Variants in NRXN3 observed in about 807,000 individuals in gnomAD.
The protein encoded by NRXN3 is neurexin 3.
In NRXN3, 32 loss-of-function variants were observed where a neutral mutation model predicts 137.6. That is an observed-to-expected ratio of 0.23 (90% CI 0.18 to 0.31). The LOEUF (loss-of-function observed/expected upper bound fraction) is 0.31, where lower values mean the gene tolerates loss of function less well. Ranked by LOEUF, NRXN3 falls within the 10% of genes least tolerant of loss-of-function variation. NRXN3 has a pLI of 1.00. For missense variants in NRXN3, 1,574 were observed against 2,062.5 expected (o/e 0.76, Z 4.59); for synonymous variants, 798 against 784.5 (o/e 1.02, Z -0.29).
chr14:79,126,099 T>C (rs1284676653), intron 15 of NRXN3, among the ~76,000 whole-genome samples: 1 of 152,260 alleles, frequency 6.6e-6, no homozygotes, highest in Admixed American at 6.5e-5. Flanking sequence ...AAAACTTAAC[T>C]GGATTTTTAA....
chr14:79,812,338 A>G (rs2099237077), intron 20 of NRXN3, among the ~76,000 whole-genome samples: 1 of 152,202 alleles, frequency 6.6e-6, no homozygotes, highest in Non-Finnish European at 1.5e-5. Flanking sequence ...TTTGCTTCAG[A>G]AATATCGCTT....
At chr14:78,319,551 A>T (rs961528487) in intron 4 of NRXN3, among the ~76,000 whole-genome samples, 7 of 152,032 alleles carry the variant, frequency 4.6e-5, no homozygotes, top group Non-Finnish European at 8.8e-5. Context: ...AACTCATGTG[A>T]CCCGTGAGCC....
At chr14:79,530,716 G>A (rs1198796062) in intron 16 of NRXN3, among the ~76,000 whole-genome samples, 1 of 151,974 alleles carries the variant, frequency 6.6e-6, no homozygotes, top group African/African-American at 2.4e-5. Flanking sequence ...ACCAAGGAGG[G>A]GGAAATGGGA....
Position 79,181,696 on chromosome 14 carries a change from A to G in NRXN3, c.3262+193555A>G, listed in dbSNP as rs572819225. Among the ~76,000 whole-genome samples the G allele has an allele frequency of 2.4e-3, 363 of 151,944 alleles. 2 individuals are homozygous for G. The highest frequency in any genetic ancestry group is 2.7e-3 in the Non-Finnish European group (184 of 67,964). On this transcript the variant is annotated intron_variant, in intron 15 of 20. Transcript: ENST00000335750. ...GACCCTGTCTCAAAAAAAAAAAAAA[A>G]AAAAATCTTATGATAACATGAAAAC... is the stretch of plus-strand genomic sequence containing the variant.
intron 16 of NRXN3, among the ~76,000 whole-genome samples, chr14:79,608,358 G>A (rs2098050389): frequency 6.6e-6 from 1 of 152,280 alleles, no homozygotes; most frequent in Non-Finnish European, 1.5e-5. Flanking sequence ...TTGGATTGGG[G>A]ACAAATGAGG....
chr14:78,958,912 C>A (rs1273920584), intron 11 of NRXN3, among the ~76,000 whole-genome samples: 2 of 152,144 alleles, frequency 1.3e-5, no homozygotes, highest in African/African-American at 4.8e-5. Flanking sequence ...CAGTCAGTAG[C>A]CCTGGGGGTC....
At chr14:78,249,563 T>C (rs11159344) in intron 2 of NRXN3, among the ~76,000 whole-genome samples, 111,000 of 151,942 alleles carry the variant, frequency 0.73, 41,308 homozygotes, top group East Asian at 0.9. Flanking sequence ...ACTGGCTCCA[T>C]AGTATGGGTC....
At chr14:78,949,489 G>GT (rs1351391940) in intron 10 of NRXN3, among the ~76,000 whole-genome samples, 4 of 151,336 alleles carry the variant, frequency 2.6e-5, no homozygotes, top group Admixed American at 1.3e-4. Context: ...TTGCTCACTA[G>GT]TTTTTTTCCA....
chr14:78,983,824 T>C (rs1477827918), intron 14 of NRXN3, among the ~76,000 whole-genome samples: 1 of 134,716 alleles, frequency 7.4e-6, no homozygotes, highest in Non-Finnish European at 1.5e-5. Flanking sequence ...GCCACTGCAC[T>C]CCAGCCTGGT....
intron 4 of NRXN3, among the ~76,000 whole-genome samples, chr14:78,573,050 G>A (rs929492791): frequency 5.9e-5 from 9 of 152,170 alleles, no homozygotes; most frequent in African/African-American, 7.2e-5. Context: ...CACAAGATCC[G>A]ATGGTATAAG....
Position 79,507,787 on chromosome 14 carries a change from C to T in NRXN3, c.3444+40385C>T, listed in dbSNP as rs140211406. 6.2e-4 allele frequency among the ~76,000 whole-genome samples: 95 copies of T among 152,250 alleles called. 1 individual carries two copies. Among genetic ancestry groups the T allele is most frequent in the African/African-American group, 2.2e-3 (90 of 41,544 alleles). On this transcript the variant is annotated intron_variant, in intron 16 of 20. Transcript: ENST00000335750. ...GGATAAAGAGCTATTCTCAACTTGA[C>T]TATTATACCTTGGCCTTCATTCCCT...
chr14:79,332,090 G>T (rs1226846611), intron 15 of NRXN3, among the ~76,000 whole-genome samples: 1 of 152,152 alleles, frequency 6.6e-6, no homozygotes. Context: ...ACACCACATG[G>T]GTGGGCATGT....
intron 15 of NRXN3, among the ~76,000 whole-genome samples, chr14:78,993,231 T>C (rs1418137032): frequency 1.3e-5 from 2 of 152,090 alleles, no homozygotes; most frequent in Non-Finnish European, 2.9e-5. Flanking sequence ...TGTAGGTTGG[T>C]GTATTGATTA....
At chr14:79,840,019 C>T (rs1241547038) in intron 20 of NRXN3, among the ~76,000 whole-genome samples, 2 of 152,124 alleles carry the variant, frequency 1.3e-5, no homozygotes, top group East Asian at 3.9e-4. Flanking sequence ...GTATATCTAG[C>T]ATCTCTTTCA....
At chr14:79,408,534 T>G (rs1277213267) in intron 15 of NRXN3, among the ~76,000 whole-genome samples, 6 of 152,160 alleles carry the variant, frequency 3.9e-5, no homozygotes, top group African/African-American at 1.4e-4. Flanking sequence ...TTTCTGATTA[T>G]TATTCTGTAT....
chr14:79,183,732 G>A lies in NRXN3; in HGVS notation c.3262+195591G>A, dbSNP rs141227177. On this transcript the variant is annotated intron_variant, in intron 15 of 20. Coordinates refer to ENST00000335750, the MANE Select transcript of NRXN3 (RefSeq NM_001330195.2). ...CAAAGCCCGGCTCACTGCTTACAACGGCATCCTGTTTCTTCACCTGTTTTT... is the reference window on the plus strand; with the variant it reads ...CAAAGCCCGGCTCACTGCTTACAACAGCATCCTGTTTCTTCACCTGTTTTT... Among the ~76,000 whole-genome samples, 733 of 152,186 alleles carry A rather than the reference G, an allele frequency of 4.8e-3. 7 individuals are homozygous for A. The highest frequency in any genetic ancestry group is 4.9e-3 in the Non-Finnish European group (335 of 68,002).
At chr14:79,596,771 T>G (rs1015639716) in intron 16 of NRXN3, among the ~76,000 whole-genome samples, 5 of 152,148 alleles carry the variant, frequency 3.3e-5, no homozygotes, top group African/African-American at 1.2e-4. Context: ...GGAATGTTTC[T>G]GGACTGGGAT....
At chr14:79,665,172 C>T (rs926532352) in intron 17 of NRXN3, among the ~76,000 whole-genome samples, 4 of 152,088 alleles carry the variant, frequency 2.6e-5, no homozygotes, top group African/African-American at 9.7e-5. Context: ...TTGGGTTGTT[C>T]CCTAACTGCT....
intron 16 of NRXN3, among the ~76,000 whole-genome samples, chr14:79,635,235 A>G (rs2098394935): frequency 6.6e-6 from 1 of 152,196 alleles, no homozygotes; most frequent in Non-Finnish European, 1.5e-5. Flanking sequence ...ATAAAACATA[A>G]ACAGGAGAGA....
Sources: allele counts gnomAD v4.1 joint callset (sites outside exome capture counted in the v4.1 genomes callset), GRCh38; gene constraint gnomAD v4.1.1; transcripts MANE v1.5; gene names NCBI Gene and HGNC (gene_info 2026-07-23, HGNC 2026-07-21).